The following FANCI variants were observed in gnomAD, a reference collection of about 807,000 sequenced individuals.
FANCI encodes Fanconi anemia group I protein.
FANCI carries 156 observed loss-of-function variants against 176.1 expected under a neutral mutation model. The observed-to-expected ratio is 0.89, with a 90% CI of 0.78 to 1.01. The LOEUF is 1.01. Ranked by LOEUF, FANCI falls within the 50% of genes least tolerant of loss-of-function variation. FANCI has a pLI of 0.00. For synonymous variants in FANCI, 613 were observed against 541.7 expected, an observed-to-expected ratio of 1.13 and a Z score of -1.83; for missense variants, 1,678 against 1,534.1, an observed-to-expected ratio of 1.09 and a Z score of -1.57.
Position 89,291,712 on chromosome 15 carries a change from C to G in FANCI, c.1990C>G (p.Leu664Val), listed in dbSNP as rs1304120805. 1.9e-6 allele frequency: 3 copies of G among 1,610,238 alleles called. No homozygotes were observed. The highest frequency in any genetic ancestry group is 2.5e-6 in the Non-Finnish European group (3 of 1,176,762). Residue 664 changes from leucine (L) to valine (V), a missense_variant and splice_region_variant, in exon 20 of 38, where the codon CTG (leucine) becomes GTG (valine). By Grantham distance (32) the Leu-to-Val change is conservative (BLOSUM62 1). This residue lies in a region of FANCI where 1,204 missense variants were observed against 1,077.4 expected (regional missense o/e 1.12). Transcript: ENST00000310775. Reference sequence around the variant, plus strand: ...AGATAAGATCTCTCTACAAGAACCACTGGTGAGACTTTTATTCTTCCTTCA... The same window carrying G: ...AGATAAGATCTCTCTACAAGAACCAGTGGTGAGACTTTTATTCTTCCTTCA... ...QGDKISLQEP[L>V]DYLLCCIQHC...
rs969894350 is a variant in FANCI at position 89,316,601 on chromosome 15, G to A, written c.*142G>A. On this transcript the variant is annotated 3_prime_UTR_variant, in exon 38 of 38. Coordinates refer to ENST00000310775, the MANE Select transcript of FANCI (RefSeq NM_001113378.2). ...CTGAATTCAACTGCACCTTCAGTTA[G>A]AAGGAATCTTCTTGGCAGGTCCTGC... 1.8e-6 allele frequency: 2 copies of A among 1,108,924 alleles called. No homozygotes were observed. Among genetic ancestry groups the A allele is most frequent in the Non-Finnish European group, 2.7e-6 (2 of 738,480 alleles). The allele number at this position is 1,108,924 out of a possible 1,614,324, so 68.7% of individuals were successfully genotyped here.
chr15:89,283,388 CTGA>C (rs539373037), intron 17 of FANCI, 138 bp downstream of exon 17: 1,885 of 1,301,140 alleles, frequency 1.4e-3, no homozygotes, highest in Middle Eastern at 2.6e-3. Flanking sequence ...GATGATGGTG[CTGA>C]TGATGATGAT....
rs2053310169 is a variant in FANCI, at chr15:89,274,037, C to G, written c.976-131C>G. On this transcript the variant is annotated intron_variant, in intron 11 of 37. Coordinates refer to ENST00000310775, the MANE Select transcript of FANCI (RefSeq NM_001113378.2). ...ATATGTGAATGGCAGCTCATAGGAA[C>G]AGTTATAAGGTTAAGATTTATAGCA... The G allele has an allele frequency of 1.5e-5, 10 of 687,110 alleles. No homozygotes were observed. In the South Asian group the frequency reaches 2.0e-4, roughly 14 times the overall value. 42.6% of individuals were successfully genotyped at this position (687,110 alleles called of 1,614,324 possible).
chr15:89,296,467 C>T (rs1442937734), intron 24 of FANCI, among the ~76,000 whole-genome samples: 2 of 151,658 alleles, frequency 1.3e-5, no homozygotes, highest in Non-Finnish European at 2.9e-5. Flanking sequence ...TCCATTTAAC[C>T]CTGAGTGGAC....
chr15:89,246,739 TTTTC>T (rs201874562), intron 1 of FANCI, among the ~76,000 whole-genome samples: 10 of 150,916 alleles, frequency 6.6e-5, no homozygotes, highest in African/African-American at 9.8e-5. Context: ...ACTTCTCAGC[TTTTC>T]TTTCTTTCTT....
In FANCI at chr15:89,278,724, T is replaced by A; in HGVS notation, c.1331T>A (p.Val444Asp). 1 of 1,614,026 alleles carries A rather than the reference T, an allele frequency of 6.2e-7. No individual in the cohort carries two copies. Among genetic ancestry groups the A allele is most frequent in the East Asian group, 2.2e-5 (1 of 44,858 alleles). ...EMIRQEILEQ[V>D]LNRVVTRASS... ...ATCAGACAAGAAATTTTGGAGCAGG[T>A]CCTCAACAGGGTTGTTACCAGAGCA... The change falls in exon 14 of 38, where the codon GTC becomes GAC. Residue 444 changes from valine to aspartate, a missense_variant. Val to Asp is a radical substitution (Grantham distance 152, BLOSUM62 -3). Coordinates refer to ENST00000310775, the MANE Select transcript of FANCI (RefSeq NM_001113378.2).
chr15:89,247,697 T>C lies in FANCI; in HGVS notation c.50T>C (p.Leu17Pro), dbSNP rs775891592. Residue 17 changes from leucine to proline, a missense_variant, in exon 2 of 38, where the codon CTG (leucine) becomes CCG (proline). By Grantham distance (98) the Leu-to-Pro change is moderately conservative. Around this residue, in one of 3 missense-constraint regions of FANCI, gnomAD observed 469 missense variants for 436.9 expected, o/e 1.07. Transcript: ENST00000310775. ...GCAGCAGAAAAAACAGCAGACAAAC[T>C]GCAAGAATTTCTTCAAACCCTGAGA... is the stretch of plus-strand genomic sequence containing the variant. ...SLAAEKTADK[L>P]QEFLQTLREG... 4 of 1,613,852 alleles carry C rather than the reference T, an allele frequency of 2.5e-6. No individual in the cohort carries two copies. Among genetic ancestry groups the C allele is most frequent in the African/African-American group, 2.7e-5 (2 of 74,900 alleles).
intron 13 of FANCI, among the ~76,000 whole-genome samples, chr15:89,277,406 A>G (rs1050929786): frequency 6.6e-6 from 1 of 152,110 alleles, no homozygotes; most frequent in Non-Finnish European, 1.5e-5. Context: ...ACTTGAGCTC[A>G]GGAGTTTGAG....
chr15:89,267,320 CAAA>C (rs35394265), intron 9 of FANCI, among the ~76,000 whole-genome samples: 1 of 130,232 alleles, frequency 7.7e-6, no homozygotes, highest in Non-Finnish European at 1.6e-5. Flanking sequence ...ATCCTTGTCT[CAAA>C]AAAAAAAAAT....
At chr15:89,257,937 C>T (rs539879446) in intron 2 of FANCI, among the ~76,000 whole-genome samples, 1 of 152,336 alleles carries the variant, frequency 6.6e-6, no homozygotes, top group South Asian at 2.1e-4. Context: ...TCTTTAGTAA[C>T]TTCCGTTGCA....
chr15:89,259,418 A>T (rs1028809952), intron 3 of FANCI: 12 of 152,722 alleles, frequency 7.9e-5, no homozygotes, highest in Non-Finnish European at 1.6e-4. Context: ...AGAACTTTCA[A>T]GATTGGTTGA....
intron 10 of FANCI, among the ~76,000 whole-genome samples, chr15:89,269,730 G>A (rs1281478923): frequency 6.6e-6 from 1 of 152,112 alleles, no homozygotes; most frequent in African/African-American, 2.4e-5. Context: ...ATGTACTAAC[G>A]AGTGTGGCTG....
chr15:89,276,250 T>C (rs536702265), intron 12 of FANCI, among the ~76,000 whole-genome samples: 2 of 152,222 alleles, frequency 1.3e-5, no homozygotes, highest in Middle Eastern at 3.2e-3. Flanking sequence ...AGTATAAATA[T>C]CTACTGAGTG....
intron 10 of FANCI, among the ~76,000 whole-genome samples, chr15:89,270,664 T>G (rs2053166689): frequency 6.6e-6 from 1 of 152,240 alleles, no homozygotes; most frequent in African/African-American, 2.4e-5. Context: ...AATATCATTA[T>G]GCACTCATGA....
chr15:89,292,850 G>C lies in FANCI; in HGVS notation c.2155G>C (p.Glu719Gln). ...ITNRMIKSEL[E>Q]DFELDKSADF... ...TAATAGAATGATTAAGAGTGAGCTG[G>C]AAGACTTTGAACTGGTAATTGCTAA... Residue 719 changes from glutamate to glutamine, a missense_variant, in exon 21 of 38, where the codon GAA becomes CAA. Coordinates refer to ENST00000310775, the MANE Select transcript of FANCI (RefSeq NM_001113378.2). 6.2e-7 allele frequency: 1 copy of C among 1,614,090 alleles called. No homozygotes were observed.
chr15:89,258,745 T>G lies in FANCI; in HGVS notation c.126T>G (p.Val42=). The G allele has an allele frequency of 1.2e-6, 2 of 1,613,654 alleles. No individual in the cohort carries two copies. The highest frequency in any genetic ancestry group is 1.7e-6 in the Non-Finnish European group (2 of 1,179,592). Residue 42 remains valine (V), a synonymous_variant, in exon 3 of 38, where the codon GTT becomes GTG. Coordinates refer to ENST00000310775, the MANE Select transcript of FANCI (RefSeq NM_001113378.2). The part of the protein sequence containing the change: ...LLQNQAVKGK[V]AGALLRAIFK... Reference sequence around the variant, plus strand: ...AGAATCAAGCAGTGAAAGGAAAAGTTGCTGGAGCACTCCTGAGAGCCATCT... The same window carrying G: ...AGAATCAAGCAGTGAAAGGAAAAGTGGCTGGAGCACTCCTGAGAGCCATCT...
rs573827349 is a variant in FANCI, at chr15:89,311,465, C to T, written c.3652-1439C>T. On this transcript the variant is annotated intron_variant, in intron 34 of 37. Transcript: ENST00000310775. ...GGCTCTAATTTTAGTCCTGCCCGCCCGGATCAGTTGGAATGGGCAGGGAAC... is the reference window on the plus strand; with the variant it reads ...GGCTCTAATTTTAGTCCTGCCCGCCTGGATCAGTTGGAATGGGCAGGGAAC... Among the ~76,000 whole-genome samples, 265 of 152,206 alleles carry T rather than the reference C, an allele frequency of 1.7e-3. 1 individual carries two copies. Among genetic ancestry groups the T allele is most frequent in the Middle Eastern group, 3.4e-3 (1 of 294 alleles).
chr15:89,281,801 T>C lies in FANCI; in HGVS notation c.1549T>C (p.Leu517=). ...AGTCAGCATGTCAATGAGAGACTGC[T>C]TGATACTTGTCCTTCGGAAAGCTAT... is the stretch of plus-strand genomic sequence containing the variant. ...LKVSMSMRDC[L]ILVLRKAMFA... The change falls in exon 16 of 38, where the codon TTG becomes CTG. Residue 517 remains leucine, a synonymous_variant. Coordinates refer to ENST00000310775, the MANE Select transcript of FANCI (RefSeq NM_001113378.2). 1.2e-6 allele frequency: 2 copies of C among 1,613,968 alleles called. No individual in the cohort carries two copies. Among genetic ancestry groups the C allele is most frequent in the Non-Finnish European group, 1.7e-6 (2 of 1,179,916 alleles).
chr15:89,272,831 A>G (rs1567151317), intron 10 of FANCI, among the ~76,000 whole-genome samples: 2 of 151,968 alleles, frequency 1.3e-5, no homozygotes, highest in Non-Finnish European at 2.9e-5. Flanking sequence ...CACCACTCCC[A>G]GCTAATTTTT....
Sources: allele counts gnomAD v4.1 joint callset (sites outside exome capture counted in the v4.1 genomes callset), GRCh38; gene constraint gnomAD v4.1.1; regional missense constraint gnomAD v4.1.1; transcripts MANE v1.5; gene names NCBI Gene and HGNC (gene_info 2026-07-23, HGNC 2026-07-21).